AK5: variants seen among roughly 807,000 people sequenced by gnomAD.
AK5 encodes adenylate kinase isoenzyme 5.
In AK5, 27 loss-of-function variants were observed where a neutral mutation model predicts 69.5. That is an observed-to-expected ratio of 0.39 (90% CI 0.29 to 0.54). The LOEUF (loss-of-function observed/expected upper bound fraction) is 0.54, where lower values mean the gene tolerates loss of function less well. Among genes scored for constraint, AK5 ranks in the 20% least tolerant of loss-of-function variants. The probability of loss-of-function intolerance (pLI) is 0.71; values close to 1 mark genes in which losing one functional copy is unlikely to be tolerated. For missense variants in AK5, 531 were observed against 700.4 expected (o/e 0.76, Z 2.73); for synonymous variants, 260 against 244.4 (o/e 1.06, Z -0.60).
At chr1:77,354,663 T>C (rs1232803607) in intron 6 of AK5, among the ~76,000 whole-genome samples, 2 of 152,206 alleles carry the variant, frequency 1.3e-5, no homozygotes, top group African/African-American at 2.4e-5. Flanking sequence ...TAAACAGCTT[T>C]TCAGTAATGC....
At chr1:77,396,385 G>C (rs960648786) in intron 6 of AK5, among the ~76,000 whole-genome samples, 6 of 152,096 alleles carry the variant, frequency 3.9e-5, no homozygotes, top group African/African-American at 1.4e-4. Flanking sequence ...ATTACACAAA[G>C]AGCCCAGTAG....
chr1:77,326,653 G>A (rs1448056612), intron 5 of AK5, among the ~76,000 whole-genome samples: 1 of 152,066 alleles, frequency 6.6e-6, no homozygotes, highest in Non-Finnish European at 1.5e-5. Context: ...TCCAAGAAAT[G>A]CTTTTAAAAG....
chr1:77,349,724 T>C lies in AK5; in HGVS notation c.891+9156T>C, dbSNP rs1298833863. The C allele has an allele frequency of 2.0e-5, 3 of 152,192 alleles. No individual in the cohort carries two copies. The East Asian group carries it at 5.8e-4, about 29-fold the overall frequency. The allele number at this position is 152,192 out of a possible 1,614,324, so 9.4% of individuals were successfully genotyped here. A position where few individuals can be genotyped will look rare whatever the true frequency, so the allele number is the denominator to read the frequency against. On this transcript the variant is annotated intron_variant, in intron 6 of 13. Transcript: ENST00000354567. ...AAATTGATTAAGCACACATTAGAAG[T>C]GAAGAAATTATACTACAAATGGCCA...
At chr1:77,362,531 A>G (rs1488980093) in intron 6 of AK5, among the ~76,000 whole-genome samples, 1 of 152,210 alleles carries the variant, frequency 6.6e-6, no homozygotes, top group Non-Finnish European at 1.5e-5. Flanking sequence ...TTGTATACCA[A>G]AAAACCCAAA....
At chr1:77,536,080 T>C (rs1433140158) in intron 13 of AK5, 42 bp downstream of exon 13, 4 of 341,354 alleles carry the variant, frequency 1.2e-5, no homozygotes, top group Non-Finnish European at 1.7e-5. Context: ...GCCGCTTACC[T>C]TTTTTTTTTT....
intron 6 of AK5, among the ~76,000 whole-genome samples, chr1:77,398,354 A>G (rs1316531493): frequency 6.6e-6 from 1 of 152,040 alleles, no homozygotes; most frequent in Non-Finnish European, 1.5e-5. Flanking sequence ...AAGAGAATGG[A>G]GCCTGTAATT....
chr1:77,393,960 A>C (rs114955332), intron 6 of AK5, among the ~76,000 whole-genome samples: 1,696 of 152,310 alleles, frequency 0.011, 20 homozygotes, highest in South Asian at 0.038. Context: ...ATGCCTGTTC[A>C]TCCCAGCACT....
At chr1:77,497,063 C>T (rs751202028) in intron 10 of AK5, among the ~76,000 whole-genome samples, 24 of 152,222 alleles carry the variant, frequency 1.6e-4, no homozygotes, top group Non-Finnish European at 3.2e-4. Context: ...CACAATAAAT[C>T]TTGCTGCTGC....
chr1:77,442,750 T>C (rs1464736963), intron 8 of AK5, among the ~76,000 whole-genome samples: 2 of 152,206 alleles, frequency 1.3e-5, no homozygotes, highest in South Asian at 4.1e-4. Context: ...GCCATCTTGC[T>C]GATGTCACCA....
chr1:77,386,816 A>G (rs1648063313), intron 6 of AK5, among the ~76,000 whole-genome samples: 1 of 151,814 alleles, frequency 6.6e-6, no homozygotes, highest in South Asian at 2.1e-4. Context: ...ATTTTAACCT[A>G]TTTCTCTTCA....
At chr1:77,478,558 C>A (rs538585374) in intron 8 of AK5, among the ~76,000 whole-genome samples, 19 of 152,252 alleles carry the variant, frequency 1.2e-4, no homozygotes, top group Non-Finnish European at 7.4e-5. Flanking sequence ...CTCCATTAAA[C>A]CTCTTTCCTT....
Position 77,375,515 on chromosome 1 carries a change from C to A in AK5, c.891+34947C>A, listed in dbSNP as rs372236272. 3.3e-5 allele frequency among the ~76,000 whole-genome samples: 5 copies of A among 152,136 alleles called. No individual in the cohort carries two copies. The East Asian group carries it at 9.6e-4, about 29-fold the overall frequency. On this transcript the variant is annotated intron_variant, in intron 6 of 13. Transcript: ENST00000354567. ...CTGATGCTCCATGCCCCATCTCCTA[C>A]CTTCTCCTTGGGCTTTGTTAAATGT...
At chr1:77,404,609 A>G (rs1456365259) in intron 6 of AK5, among the ~76,000 whole-genome samples, 1 of 152,210 alleles carries the variant, frequency 6.6e-6, no homozygotes, top group Non-Finnish European at 1.5e-5. Flanking sequence ...TGCTAAAAGA[A>G]TTAAAAGAAA....
chr1:77,297,584 TCA>T lies in AK5; in HGVS notation c.442_443del (p.Gln148GlufsTer30). 6.2e-7 allele frequency: 1 copy of T among 1,611,086 alleles called. No homozygotes were observed. Among genetic ancestry groups the T allele is most frequent in the Non-Finnish European group, 8.5e-7 (1 of 1,179,038 alleles). On this transcript the variant is annotated frameshift_variant, in exon 4 of 14. Transcript: ENST00000354567. LOFTEE classifies it high-confidence loss of function. ...IGGPGSGKGT[Q>X]SLKIAERYGF... ...GTGGTCCAGGAAGTGGAAAGGGTACTCAGAGTTTGAAAATTGCAGAACGATAT... is the reference window on the plus strand; with the variant it reads ...GTGGTCCAGGAAGTGGAAAGGGTACTGAGTTTGAAAATTGCAGAACGATAT...
chr1:77,451,117 A>C (rs186359891), intron 8 of AK5, among the ~76,000 whole-genome samples: 29 of 152,284 alleles, frequency 1.9e-4, no homozygotes, highest in Admixed American at 7.8e-4. Flanking sequence ...TTGAGGCTGC[A>C]GTGAGCCATG....
chr1:77,520,348 CA>C (rs962853402), intron 11 of AK5, among the ~76,000 whole-genome samples: 3 of 152,130 alleles, frequency 2.0e-5, no homozygotes, highest in Non-Finnish European at 1.5e-5. Flanking sequence ...TTCTTTGAAA[CA>C]TTTATCAAAG....
chr1:77,460,221 A>G (rs986675794), intron 8 of AK5, among the ~76,000 whole-genome samples: 1 of 152,276 alleles, frequency 6.6e-6, no homozygotes, highest in Admixed American at 6.5e-5. Flanking sequence ...CACCATAGTC[A>G]CAAATTAAGC....
chr1:77,311,491 G>A (rs1018324232), intron 5 of AK5, among the ~76,000 whole-genome samples: 2 of 152,130 alleles, frequency 1.3e-5, no homozygotes, highest in African/African-American at 4.8e-5. Context: ...GAATAATAAT[G>A]TCTCACAAGA....
At chr1:77,328,422 C>A (rs1181812715) in intron 5 of AK5, among the ~76,000 whole-genome samples, 1 of 151,978 alleles carries the variant, frequency 6.6e-6, no homozygotes, top group Non-Finnish European at 1.5e-5. Context: ...ATTGCCTGAA[C>A]CCAGGAGGCG....
Sources: allele counts gnomAD v4.1 joint callset (sites outside exome capture counted in the v4.1 genomes callset), GRCh38; gene constraint gnomAD v4.1.1; transcripts MANE v1.5; gene names NCBI Gene and HGNC (gene_info 2026-07-23, HGNC 2026-07-21).